NTM: variants seen among roughly 807,000 people sequenced by gnomAD.
The protein encoded by NTM is neurotrimin, also known as IgLON family member 2.
A neutral mutation model predicts 42.1 loss-of-function variants in NTM; 13 were observed. The ratio of observed to expected loss-of-function variants is 0.31; its 90% CI spans 0.20 to 0.49. The LOEUF is 0.49. Ranked by LOEUF, NTM falls within the 20% of genes least tolerant of loss-of-function variation. The probability of loss-of-function intolerance (pLI) is 0.99; values close to 1 mark genes in which losing one functional copy is unlikely to be tolerated. For missense variants in NTM, 373 were observed against 452.8 expected (o/e 0.82, Z 1.60); for synonymous variants, 187 against 179.2 (o/e 1.04, Z -0.35).
At chr11:132,081,099 C>T (rs1464621767) in intron 2 of NTM, among the ~76,000 whole-genome samples, 3 of 152,098 alleles carry the variant, frequency 2.0e-5, no homozygotes, top group Non-Finnish European at 4.4e-5. Flanking sequence ...TGCTGTAGTC[C>T]CTCAAATGAG....
chr11:132,091,291 C>G (rs879437256), intron 2 of NTM, among the ~76,000 whole-genome samples: 3 of 151,842 alleles, frequency 2.0e-5, no homozygotes, highest in Admixed American at 2.0e-4. Flanking sequence ...GACTGTAATC[C>G]CAGCTACTTG....
chr11:132,287,094 G>A (rs983473831), intron 4 of NTM, among the ~76,000 whole-genome samples: 3 of 152,196 alleles, frequency 2.0e-5, no homozygotes, highest in Non-Finnish European at 4.4e-5. Context: ...GGCTGTCGAT[G>A]GCAGAGAATG....
At chr11:131,699,712 G>C (rs776672046) in intron 1 of NTM, among the ~76,000 whole-genome samples, 23 of 152,110 alleles carry the variant, frequency 1.5e-4, no homozygotes, top group Non-Finnish European at 2.8e-4. Context: ...GCAGGAAAGA[G>C]AAGTGCCAAG....
chr11:131,797,338 G>C (rs1002331795), intron 1 of NTM, among the ~76,000 whole-genome samples: 2 of 152,168 alleles, frequency 1.3e-5, no homozygotes, highest in Non-Finnish European at 2.9e-5. Flanking sequence ...CTCTGTAAGG[G>C]GGGGCAGGAT....
chr11:131,687,230 C>G (rs1298699023), intron 1 of NTM, among the ~76,000 whole-genome samples: 2 of 152,240 alleles, frequency 1.3e-5, no homozygotes, highest in Non-Finnish European at 2.9e-5. Flanking sequence ...CTGCATGAAA[C>G]GTGACAACAC....
intron 2 of NTM, among the ~76,000 whole-genome samples, chr11:132,128,416 C>T (rs2137037323): frequency 6.6e-6 from 1 of 152,198 alleles, no homozygotes; most frequent in South Asian, 2.1e-4. Context: ...TTAGAGGCTG[C>T]CTGGGGACTG....
At chr11:131,458,764 T>A (rs1247172766) in intron 1 of NTM, among the ~76,000 whole-genome samples, 1 of 152,244 alleles carries the variant, frequency 6.6e-6, no homozygotes, top group Non-Finnish European at 1.5e-5. Flanking sequence ...AACTGGGTTG[T>A]CAAATGCTGG....
At chr11:131,760,901 C>T (rs2084063419) in intron 1 of NTM, among the ~76,000 whole-genome samples, 1 of 152,184 alleles carries the variant, frequency 6.6e-6, no homozygotes, top group Non-Finnish European at 1.5e-5. Flanking sequence ...TCCTAAGCCC[C>T]TGTGACAGTG....
intron 1 of NTM, among the ~76,000 whole-genome samples, chr11:131,527,916 T>C (rs78440748): frequency 0.037 from 5,608 of 152,226 alleles, 349 homozygotes; most frequent in African/African-American, 0.13. Context: ...ACTAGTTGAG[T>C]ATCCCTAACC....
chr11:132,010,407 G>T (rs933866870), intron 2 of NTM, among the ~76,000 whole-genome samples: 1 of 152,068 alleles, frequency 6.6e-6, no homozygotes, highest in African/African-American at 2.4e-5. Flanking sequence ...TCAGTCCCTG[G>T]CTGCTCTTCC....
chr11:131,435,555 C>A (rs148021485), intron 1 of NTM, among the ~76,000 whole-genome samples: 1 of 152,120 alleles, frequency 6.6e-6, no homozygotes, highest in African/African-American at 2.4e-5. Context: ...TGTAGCAATT[C>A]TGAATGGGAG....
chr11:132,066,945 C>A (rs1340953011), intron 2 of NTM, among the ~76,000 whole-genome samples: 1 of 146,006 alleles, frequency 6.8e-6, no homozygotes, highest in Non-Finnish European at 1.5e-5. Flanking sequence ...ATGTGCATGG[C>A]TTTTGTGAAA....
rs2060194833 is a variant in NTM at position 131,944,992 on chromosome 11, A to G, written c.167+33344A>G. 2.0e-5 allele frequency among the ~76,000 whole-genome samples: 3 copies of G among 152,284 alleles called. No homozygotes were observed. The South Asian group carries it at 6.2e-4, about 32-fold the overall frequency. On this transcript the variant is annotated intron_variant, in intron 2 of 8. Transcript: ENST00000683400. Reference sequence around the variant, plus strand: ...CCCAGCCTGGATCTATTTGGGCTTCATGCCTGGAGTTTTGAACTAAACACA... The same window carrying G: ...CCCAGCCTGGATCTATTTGGGCTTCGTGCCTGGAGTTTTGAACTAAACACA...
chr11:131,769,645 AGCTC>A (rs1389044778), intron 1 of NTM: 1 of 939,412 alleles, frequency 1.1e-6, no homozygotes, highest in Non-Finnish European at 1.3e-6. Flanking sequence ...AGATAGCATG[AGCTC>A]GCTTTTACAG....
intron 1 of NTM, among the ~76,000 whole-genome samples, chr11:131,661,896 T>G (rs2068142884): frequency 6.6e-6 from 1 of 152,186 alleles, no homozygotes; most frequent in Admixed American, 6.5e-5. Context: ...AAATCCAGAC[T>G]GGAAACATAA....
intron 2 of NTM, among the ~76,000 whole-genome samples, chr11:132,041,215 G>A (rs2077145660): frequency 8.0e-6 from 1 of 124,264 alleles, no homozygotes; most frequent in Non-Finnish European, 1.7e-5. Context: ...GTGTGTGAGA[G>A]AGAGAGAGAG....
At chr11:131,965,233 G>T (rs2062682376) in intron 2 of NTM, among the ~76,000 whole-genome samples, 2 of 152,120 alleles carry the variant, frequency 1.3e-5, no homozygotes, top group African/African-American at 4.8e-5. Flanking sequence ...ATGAATGAGG[G>T]ACGCACAGGC....
intron 2 of NTM, among the ~76,000 whole-genome samples, chr11:132,093,429 A>G (rs927352361): frequency 3.3e-5 from 5 of 152,158 alleles, no homozygotes; most frequent in Non-Finnish European, 5.9e-5. Flanking sequence ...TCTGTCATTC[A>G]TTGTTCCATC....
Position 131,380,908 on chromosome 11 carries a change from G to T in NTM, c.82+10020G>T, listed in dbSNP as rs373392662. Among the ~76,000 whole-genome samples the T allele has an allele frequency of 1.4e-4, 22 of 152,276 alleles. No homozygotes were observed. In the East Asian group the frequency reaches 2.9e-3, roughly 20 times the overall value. On this transcript the variant is annotated intron_variant, in intron 1 of 8. Coordinates refer to ENST00000683400, the MANE Select transcript of NTM (RefSeq NM_001352005.2). The stretch of plus-strand genomic sequence containing the variant: ...TTTCTATTATAAAGCCATTTTCTTA[G>T]ATTCAACTCATCTCTTCTTTCTGAC...
Sources: allele counts gnomAD v4.1 joint callset (sites outside exome capture counted in the v4.1 genomes callset), GRCh38; gene constraint gnomAD v4.1.1; transcripts MANE v1.5; gene names NCBI Gene and HGNC (gene_info 2026-07-23, HGNC 2026-07-21).